Variants in MTCL1 observed in about 807,000 individuals in gnomAD.
MTCL1 encodes the protein microtubule crosslinking factor 1.
Under a neutral mutation model 141.4 loss-of-function variants are expected in MTCL1, and 79 were observed. The ratio of observed to expected loss-of-function variants is 0.56; its 90% CI spans 0.47 to 0.67. The LOEUF (loss-of-function observed/expected upper bound fraction) is 0.67. Among genes scored for constraint, MTCL1 ranks in the 30% least tolerant of loss-of-function variants. The probability of loss-of-function intolerance (pLI) is 0.00; values close to 1 mark genes in which losing one functional copy is unlikely to be tolerated. For missense variants in MTCL1, 2,177 were observed against 2,113.9 expected (o/e 1.03, Z -0.59); for synonymous variants, 914 against 875.8 (o/e 1.04, Z -0.77).
chr18:8,797,656 G>GA (rs1308125632), intron 9 of MTCL1, among the ~76,000 whole-genome samples: 2 of 152,310 alleles, frequency 1.3e-5, no homozygotes, highest in East Asian at 3.9e-4. Context: ...CTAGGAATGG[G>GA]AAAATACAGT....
chr18:8,737,347 T>C (rs780685534), intron 4 of MTCL1, among the ~76,000 whole-genome samples: 2 of 152,168 alleles, frequency 1.3e-5, no homozygotes, highest in Non-Finnish European at 2.9e-5. Context: ...TAAGGATGGG[T>C]TTAGAGAAAG....
chr18:8,711,911 C>T (rs905626597), intron 1 of MTCL1, among the ~76,000 whole-genome samples: 4 of 152,170 alleles, frequency 2.6e-5, no homozygotes, highest in Admixed American at 2.6e-4. Context: ...GCCAGGCTGC[C>T]AAGACTGTGT....
intron 4 of MTCL1, among the ~76,000 whole-genome samples, chr18:8,754,389 A>C (rs1263109069): frequency 3.9e-5 from 6 of 152,190 alleles, no homozygotes; most frequent in Non-Finnish European, 7.3e-5. Flanking sequence ...ATTTTTAAGC[A>C]AGCATCTATA....
chr18:8,781,131 G>A (rs9950864), intron 5 of MTCL1, among the ~76,000 whole-genome samples: 37,488 of 138,458 alleles, frequency 0.27, 5,199 homozygotes, highest in Middle Eastern at 0.32. Flanking sequence ...CCAAGATTGC[G>A]CCATTGCAGT....
chr18:8,729,757 TC>T (rs1374696620), intron 4 of MTCL1, among the ~76,000 whole-genome samples: 5 of 135,242 alleles, frequency 3.7e-5, no homozygotes, highest in African/African-American at 2.9e-5. Flanking sequence ...TTTCTCTTAC[TC>T]CGTAGCTTGT....
exon 6 of MTCL1, chr18:8,784,052 C>T (rs1264221075): frequency 6.2e-6 from 10 of 1,613,338 alleles, no homozygotes; most frequent in African/African-American, 4.0e-5. Context: ...GTTTGAGCCT[C>T]CCCGGGAGCC....
Position 8,815,503 on chromosome 18 carries a change from G to A in MTCL1, c.2859+2270G>A, listed in dbSNP as rs1426050904. Among the ~76,000 whole-genome samples, 6 of 151,970 alleles carry A rather than the reference G, an allele frequency of 3.9e-5. No homozygotes were observed. In the East Asian group the frequency reaches 1.2e-3, roughly 29 times the overall value. ...GGGGAGGTGGGGGATAGCATTAGGA[G>A]TTATACCTAATGCTAAATGACGAGT... On this transcript the variant is annotated intron_variant, in intron 12 of 16. Coordinates refer to ENST00000359865, the Ensembl canonical transcript of MTCL1.
At chr18:8,796,188 T>G in intron 8 of MTCL1, 44 bp from the exon 8 acceptor site, 1 of 1,599,188 alleles carries the variant, frequency 6.3e-7, no homozygotes, top group African/African-American at 1.3e-5. Context: ...GGGTGGCGGA[T>G]TGGATTAGCT....
exon 6 of MTCL1, chr18:8,783,936 G>A (rs764224507): frequency 2.7e-5 from 44 of 1,613,608 alleles, no homozygotes; most frequent in South Asian, 1.1e-4. Context: ...ACTGAGCTCC[G>A]CCGCCACCTG....
intron 12 of MTCL1, among the ~76,000 whole-genome samples, chr18:8,817,642 A>T (rs2076701069): frequency 6.6e-6 from 1 of 151,478 alleles, no homozygotes; most frequent in South Asian, 2.1e-4. Flanking sequence ...AGTGATGCTT[A>T]AAAAAAAATG....
intron 10 of MTCL1, among the ~76,000 whole-genome samples, chr18:8,802,472 A>G (rs2076154852): frequency 6.6e-6 from 1 of 152,236 alleles, no homozygotes; most frequent in Admixed American, 6.5e-5. Flanking sequence ...GAAATCTTAG[A>G]AATCTTAGGC....
chr18:8,730,116 T>G (rs1408229962), intron 4 of MTCL1, among the ~76,000 whole-genome samples: 1 of 152,180 alleles, frequency 6.6e-6, no homozygotes, highest in Non-Finnish European at 1.5e-5. Context: ...GGCACATGTG[T>G]TTGGGTCTGT....
At position 8,799,225 on chromosome 18, in the gene MTCL1, A is replaced by G. The variant is rs535148347; in HGVS notation, c.2436+934A>G. On this transcript the variant is annotated intron_variant, in intron 10 of 16. Coordinates refer to ENST00000359865, the Ensembl canonical transcript of MTCL1. ...TCCCTGGCCCAGGCTCCCGAAGCCCAGAGCCTCTGGGAGCTCTAATGGGAG... is the reference window on the plus strand; with the variant it reads ...TCCCTGGCCCAGGCTCCCGAAGCCCGGAGCCTCTGGGAGCTCTAATGGGAG... Among the ~76,000 whole-genome samples the G allele has an allele frequency of 2.0e-5, 3 of 152,364 alleles. No individual in the cohort carries two copies. In the East Asian group the frequency reaches 5.8e-4, roughly 29 times the overall value.
intron 4 of MTCL1, among the ~76,000 whole-genome samples, chr18:8,758,020 CT>C (rs1162855433): frequency 0.054 from 6,901 of 126,836 alleles, 391 homozygotes; most frequent in African/African-American, 0.19. Flanking sequence ...AGCACCCAGT[CT>C]TTTTTTTTTT....
intron 4 of MTCL1, among the ~76,000 whole-genome samples, chr18:8,767,497 A>T (rs1325692114): frequency 6.6e-6 from 1 of 152,172 alleles, no homozygotes; most frequent in African/African-American, 2.4e-5. Context: ...ACTGTCCTCA[A>T]ATATACATTA....
intron 4 of MTCL1, among the ~76,000 whole-genome samples, chr18:8,723,752 G>C (rs2096189005): frequency 1.3e-5 from 2 of 152,176 alleles, no homozygotes; most frequent in African/African-American, 4.8e-5. Flanking sequence ...GCCGATGATG[G>C]TGTTACCCTT....
chr18:8,748,117 C>CA (rs1361271207), intron 4 of MTCL1, among the ~76,000 whole-genome samples: 1 of 152,156 alleles, frequency 6.6e-6, no homozygotes, highest in Non-Finnish European at 1.5e-5. Context: ...CTCTCCCTCA[C>CA]ACAGTTTCCT....
At chr18:8,756,399 A>ATATATGTGTATATATGTG in intron 4 of MTCL1, among the ~76,000 whole-genome samples, 1 of 149,030 alleles carries the variant, frequency 6.7e-6, no homozygotes, top group African/African-American at 2.5e-5. Flanking sequence ...GTATATATGT[A>ATATATGTGTATATATGTG]TATATGTGTG....
rs959497877 is a variant in MTCL1 at position 8,830,799 on chromosome 18, G to A, written c.*19-808G>A. 2 of 985,268 alleles carry A rather than the reference G, an allele frequency of 2.0e-6. No homozygotes were observed. The highest frequency in any genetic ancestry group is 3.5e-5 in the African/African-American group (2 of 57,210). 61.0% of individuals were successfully genotyped at this position (985,268 alleles called of 1,614,324 possible). ...GCAAATTCCAAATTTGGGTGTCCTG[G>A]TTTTGTAACATGTAAGGACAAGGAG... On this transcript the variant is annotated intron_variant, in intron 16 of 16. Transcript: ENST00000359865. This position sits in a 1 kb window ranked among gnomAD's most constrained non-coding sequence, Gnocchi z 6.4.
Sources: allele counts gnomAD v4.1 joint callset (sites outside exome capture counted in the v4.1 genomes callset), GRCh38; gene constraint gnomAD v4.1.1; non-coding constraint Gnocchi (gnomAD v3.1); transcripts MANE v1.5; gene names NCBI Gene and HGNC (gene_info 2026-07-23, HGNC 2026-07-21).